SLC2A4: variants seen among roughly 807,000 people sequenced by gnomAD.
SLC2A4 encodes the protein solute carrier family 2, facilitated glucose transporter member 4.
SLC2A4 carries 31 observed loss-of-function variants against 53.3 expected under a neutral mutation model. The ratio of observed to expected loss-of-function variants is 0.58; its 90% CI spans 0.44 to 0.78. The LOEUF (loss-of-function observed/expected upper bound fraction) is 0.78. SLC2A4 is among the 30% of genes least tolerant of loss of function. SLC2A4 has a pLI of 0.00. For synonymous variants in SLC2A4, 276 were observed against 281.9 expected, an observed-to-expected ratio of 0.98 and a Z score of 0.21; for missense variants, 538 against 655.7, an observed-to-expected ratio of 0.82 and a Z score of 1.96.
chr17:7,283,741 A>G lies in SLC2A4; in HGVS notation c.327A>G (p.Lys109=). The change falls in exon 4 of 11, where the codon AAA becomes AAG. Residue 109 remains lysine, a synonymous_variant. Coordinates refer to ENST00000317370, the MANE Select transcript of SLC2A4 (RefSeq NM_001042.3). The surrounding 1 kb of genome is among the most constrained non-coding windows in gnomAD (Gnocchi z 5.8). ...IGIISQWLGR[K]RAMLVNNVLA... ...CCTCACTCTGTCTGCCTGCCAGGAAAAGGGCCATGCTGGTCAACAATGTCC... is the reference window on the plus strand; with the variant it reads ...CCTCACTCTGTCTGCCTGCCAGGAAGAGGGCCATGCTGGTCAACAATGTCC... 1.2e-6 allele frequency: 2 copies of G among 1,613,988 alleles called. No individual in the cohort carries two copies. The highest frequency in any genetic ancestry group is 8.5e-7 in the Non-Finnish European group (1 of 1,179,988).
At position 7,287,526 on chromosome 17, in the gene SLC2A4, G is replaced by A. The variant is rs1567603493; in HGVS notation, c.*897G>A. On this transcript the variant is annotated 3_prime_UTR_variant, in exon 11 of 11. Transcript: ENST00000317370. ...GGAACAGGAAAGTATGTGCCCATGT[G>A]TGGCAAGATGGAAGGACGGCAGGCT... 2 of 152,384 alleles carry A rather than the reference G, an allele frequency of 1.3e-5. No homozygotes were observed. Among genetic ancestry groups the A allele is most frequent in the East Asian group, 3.9e-4 (2 of 5,172 alleles). 9.4% of individuals were successfully genotyped at this position (152,384 alleles called of 1,614,324 possible).
rs2072454078 is a variant in SLC2A4, at chr17:7,286,753, T to C, written c.*124T>C. On this transcript the variant is annotated 3_prime_UTR_variant, in exon 11 of 11. Transcript: ENST00000317370. Reference sequence around the variant, plus strand: ...CGGGTGGAAAAGAATCCCTGCAGCCTGGTAGAATTGGGAAGCTGGGGGAAG... The same window carrying C: ...CGGGTGGAAAAGAATCCCTGCAGCCCGGTAGAATTGGGAAGCTGGGGGAAG... The C allele has an allele frequency of 2.2e-6, 2 of 902,190 alleles. No individual in the cohort carries two copies. Among genetic ancestry groups the C allele is most frequent in the South Asian group, 2.8e-5 (2 of 72,574 alleles). The allele number at this position is 902,190 out of a possible 1,614,324, so 55.9% of individuals were successfully genotyped here.
intron 10 of SLC2A4, 129 bp from the exon 11 acceptor site, chr17:7,286,297 C>A: frequency 1.3e-6 from 1 of 797,510 alleles, no homozygotes; most frequent in Non-Finnish European, 2.2e-6. Flanking sequence ...TTCCCTTGTC[C>A]CTGGAGGAGG....
At chr17:7,286,141 T>C in intron 10 of SLC2A4, 1 of 612,374 alleles carries the variant, frequency 1.6e-6, no homozygotes, top group Non-Finnish European at 2.9e-6. Flanking sequence ...ACTCCAAGAA[T>C]AAAATGATAC....
rs775326661 is a variant in SLC2A4, at chr17:7,285,206, A to T, written c.1122+17A>T. The T allele has an allele frequency of 1.3e-6, 2 of 1,573,616 alleles. No homozygotes were observed. The highest frequency in any genetic ancestry group is 1.2e-5 in the South Asian group (1 of 86,454). On this transcript the variant is annotated intron_variant, in intron 9 of 10. Transcript: ENST00000317370. The surrounding 1 kb of genome is among the most constrained non-coding windows in gnomAD (Gnocchi z 6.0). ...CTCCTGCTGGTAAGGCCTGGAGGCTAGGAGGGGCTAGCAGCCCACCCCATG... is the reference window on the plus strand; with the variant it reads ...CTCCTGCTGGTAAGGCCTGGAGGCTTGGAGGGGCTAGCAGCCCACCCCATG...
chr17:7,283,356 CAGA>C lies in SLC2A4; in HGVS notation c.148_150del (p.Lys50del). 1 of 1,612,822 alleles carries C rather than the reference CAGA, an allele frequency of 6.2e-7. No homozygotes were observed. Among genetic ancestry groups the C allele is most frequent in the Non-Finnish European group, 8.5e-7 (1 of 1,179,266 alleles). ...CAACATTGGGGTCATCAATGCCCCTCAGAAGGTGAGGGCCTGCAGCTGGCAGGG... is the reference window on the plus strand; with the variant it reads ...CAACATTGGGGTCATCAATGCCCCTCAGGTGAGGGCCTGCAGCTGGCAGGG... On this transcript the variant is annotated inframe_deletion and splice_region_variant, in exon 2 of 11. Transcript: ENST00000317370. The surrounding 1 kb of genome is among the most constrained non-coding windows in gnomAD (Gnocchi z 5.8).
chr17:7,286,261 C>T, intron 10 of SLC2A4, 165 bp from the exon 11 acceptor site: 1 of 749,718 alleles, frequency 1.3e-6, no homozygotes, highest in East Asian at 2.4e-5. Flanking sequence ...ATCCTCTTTT[C>T]AGTGTAAATT....
Position 7,286,748 on chromosome 17 carries a change from C to T in SLC2A4, c.*119C>T, listed in dbSNP as rs1026403268. 1.0e-6 allele frequency: 1 copy of T among 962,448 alleles called. No homozygotes were observed. The highest frequency in any genetic ancestry group is 2.4e-5 in the East Asian group (1 of 41,572). 59.6% of individuals were successfully genotyped at this position (962,448 alleles called of 1,614,324 possible). On this transcript the variant is annotated 3_prime_UTR_variant, in exon 11 of 11. Transcript: ENST00000317370. Reference sequence around the variant, plus strand: ...ATTTCCGGGTGGAAAAGAATCCCTGCAGCCTGGTAGAATTGGGAAGCTGGG... The same window carrying T: ...ATTTCCGGGTGGAAAAGAATCCCTGTAGCCTGGTAGAATTGGGAAGCTGGG...
Position 7,287,715 on chromosome 17 carries a change from G to A in SLC2A4, c.*1086G>A, listed in dbSNP as rs926284780. On this transcript the variant is annotated 3_prime_UTR_variant, in exon 11 of 11. Transcript: ENST00000317370. ...AAGGCTGCCTGGAAACACTGGGCTGGGAGGAGCCTTTGGATATTTTTATAT... is the reference window on the plus strand; with the variant it reads ...AAGGCTGCCTGGAAACACTGGGCTGAGAGGAGCCTTTGGATATTTTTATAT... 6 of 152,230 alleles carry A rather than the reference G, an allele frequency of 3.9e-5. No homozygotes were observed. Among genetic ancestry groups the A allele is most frequent in the South Asian group, 2.1e-4 (1 of 4,836 alleles). The allele number at this position is 152,230 out of a possible 1,614,324, so 9.4% of individuals were successfully genotyped here.
In SLC2A4 at chr17:7,281,829, A is replaced by G; in HGVS notation, c.-106A>G. 1.7e-6 allele frequency: 2 copies of G among 1,206,376 alleles called. No individual in the cohort carries two copies. Among genetic ancestry groups the G allele is most frequent in the Non-Finnish European group, 2.4e-6 (2 of 834,018 alleles). 74.7% of individuals were successfully genotyped at this position (1,206,376 alleles called of 1,614,324 possible). ...GCCCGCCCTCGCACGTCACTCCGGG[A>G]CCCCCGCGGCCTCCGCAGGTTCTGC... On this transcript the variant is annotated 5_prime_UTR_variant, in exon 1 of 11. Transcript: ENST00000317370.
chr17:7,286,075 C>T, intron 10 of SLC2A4, 167 bp downstream of exon 10: 1 of 657,348 alleles, frequency 1.5e-6, no homozygotes, highest in South Asian at 1.9e-5. Flanking sequence ...AGGGAGCTGA[C>T]CTAGATTGGA....
Position 7,286,434 on chromosome 17 carries a change from G to T in SLC2A4, c.1335G>T (p.Met445Ile). Reference protein sequence around the residue: ...GMGFQYVAEAMGPYVFLLFAV... With the variant: ...GMGFQYVAEAIGPYVFLLFAV... ...TTCTCCACCTGTCCCAGGAGGCTAT[G>T]GGGCCCTACGTCTTCCTTCTATTTG... Residue 445 changes from methionine (M) to isoleucine (I), a missense_variant, in exon 11 of 11, where the codon ATG (methionine) becomes ATT (isoleucine). Transcript: ENST00000317370. The T allele has an allele frequency of 6.2e-7, 1 of 1,613,974 alleles. No individual in the cohort carries two copies. The highest frequency in any genetic ancestry group is 8.5e-7 in the Non-Finnish European group (1 of 1,179,890).
Position 7,285,038 on chromosome 17 carries a change from C to T in SLC2A4, c.1021-50C>T. The T allele has an allele frequency of 1.2e-6, 2 of 1,611,812 alleles. No homozygotes were observed. The highest frequency in any genetic ancestry group is 2.2e-5 in the South Asian group (2 of 90,964). On this transcript the variant is annotated intron_variant, in intron 8 of 10. Coordinates refer to ENST00000317370, the MANE Select transcript of SLC2A4 (RefSeq NM_001042.3). This position sits in a 1 kb window ranked among gnomAD's most constrained non-coding sequence, Gnocchi z 6.0. ...GTTGCCCTCACCCACGCGGCCCCTC[C>T]TACTTCCCGTGCCCAAAAGGCTGGG... is the stretch of plus-strand genomic sequence containing the variant.
chr17:7,282,151 C>T lies in SLC2A4; in HGVS notation c.33+184C>T, dbSNP rs1373917615. 1.5e-6 allele frequency: 1 copy of T among 653,662 alleles called. No individual in the cohort carries two copies. Among genetic ancestry groups the T allele is most frequent in the East Asian group, 2.7e-5 (1 of 36,534 alleles). The allele number at this position is 653,662 out of a possible 1,614,324, so 40.5% of individuals were successfully genotyped here. A position where few individuals can be genotyped will look rare whatever the true frequency, so the allele number is the denominator to read the frequency against. On this transcript the variant is annotated intron_variant, in intron 1 of 10. Transcript: ENST00000317370. This position sits in a 1 kb window ranked among gnomAD's most constrained non-coding sequence, Gnocchi z 4.1. The stretch of plus-strand genomic sequence containing the variant: ...GTGAGATTCCAATCCTACCAAAAGG[C>T]AGAGTGGGTCTGGAGGGCCTTTCGG...
At position 7,285,021 on chromosome 17, in the gene SLC2A4, C is replaced by T. The variant is rs1385453052; in HGVS notation, c.1021-67C>T. 1.4e-5 allele frequency: 22 copies of T among 1,613,322 alleles called. No homozygotes were observed. The highest frequency in any genetic ancestry group is 1.9e-5 in the Non-Finnish European group (22 of 1,179,756). ...CGGAGGTCCTGCTCTTGGTTGCCCT[C>T]ACCCACGCGGCCCCTCCTACTTCCC... On this transcript the variant is annotated intron_variant, in intron 8 of 10. Coordinates refer to ENST00000317370, the MANE Select transcript of SLC2A4 (RefSeq NM_001042.3). This position sits in a 1 kb window ranked among gnomAD's most constrained non-coding sequence, Gnocchi z 6.0.
In SLC2A4 at chr17:7,284,495, C is replaced by A; in HGVS notation, c.738C>A (p.Arg246=). The A allele has an allele frequency of 6.2e-7, 1 of 1,614,302 alleles. No homozygotes were observed. Among genetic ancestry groups the A allele is most frequent in the Non-Finnish European group, 8.5e-7 (1 of 1,180,058 alleles). Residue 246 remains arginine (R), a synonymous_variant, in exon 7 of 11, where the codon CGC becomes CGA. Coordinates refer to ENST00000317370, the MANE Select transcript of SLC2A4 (RefSeq NM_001042.3). This position sits in a 1 kb window ranked among gnomAD's most constrained non-coding sequence, Gnocchi z 7.5. The part of the protein sequence containing the change: ...LEGPARKSLK[R]LTGWADVSGV... Reference sequence around the variant, plus strand: ...CCTTCCCTTCTCCAGGTCTGAAGCGCCTGACAGGCTGGGCCGATGTTTCTG... The same window carrying A: ...CCTTCCCTTCTCCAGGTCTGAAGCGACTGACAGGCTGGGCCGATGTTTCTG...
At position 7,284,809 on chromosome 17, in the gene SLC2A4, C is replaced by T. The variant is rs950788701; in HGVS notation, c.916-26C>T. ...GTAGAGGAAGGGGCATTCCTGCCAT[C>T]ACTTCTTCTTCTCCCCCACCTCTAG... On this transcript the variant is annotated intron_variant, in intron 7 of 10. Coordinates refer to ENST00000317370, the MANE Select transcript of SLC2A4 (RefSeq NM_001042.3). The surrounding 1 kb of genome is among the most constrained non-coding windows in gnomAD (Gnocchi z 7.5). The T allele has an allele frequency of 6.2e-7, 1 of 1,614,078 alleles. No homozygotes were observed. Among genetic ancestry groups the T allele is most frequent in the Non-Finnish European group, 8.5e-7 (1 of 1,179,912 alleles).
chr17:7,285,048 T>A lies in SLC2A4; in HGVS notation c.1021-40T>A. ...CCCACGCGGCCCCTCCTACTTCCCGTGCCCAAAAGGCTGGGGTCAAGCTCC... is the reference window on the plus strand; with the variant it reads ...CCCACGCGGCCCCTCCTACTTCCCGAGCCCAAAAGGCTGGGGTCAAGCTCC... On this transcript the variant is annotated intron_variant, in intron 8 of 10. Transcript: ENST00000317370. The surrounding 1 kb of genome is among the most constrained non-coding windows in gnomAD (Gnocchi z 6.0). 1 of 1,610,600 alleles carries A rather than the reference T, an allele frequency of 6.2e-7. No homozygotes were observed. Among genetic ancestry groups the A allele is most frequent in the Non-Finnish European group, 8.5e-7 (1 of 1,178,682 alleles).
Position 7,286,978 on chromosome 17 carries a change from T to A in SLC2A4, c.*349T>A. 1 of 350,760 alleles carries A rather than the reference T, an allele frequency of 2.9e-6. No homozygotes were observed. Among genetic ancestry groups the A allele is most frequent in the South Asian group, 2.4e-5 (1 of 41,332 alleles). 21.7% of individuals were successfully genotyped at this position (350,760 alleles called of 1,614,324 possible). On this transcript the variant is annotated 3_prime_UTR_variant, in exon 11 of 11. Transcript: ENST00000317370. The stretch of plus-strand genomic sequence containing the variant: ...GAAGGGGGATTGGAGGGAAGACAGG[T>A]CTAGACTTTCTCAGTGGGACAAACC...
Sources: gnomAD v4.1 joint callset for allele counts on GRCh38, gnomAD v4.1.1 for gene constraint, Gnocchi (gnomAD v3.1) non-coding constraint, MANE v1.5 for transcripts, NCBI Gene and HGNC (gene_info 2026-07-23, HGNC 2026-07-21) for gene names.